ABCA12: variants seen among roughly 807,000 people sequenced by gnomAD.
ABCA12 encodes ATP binding cassette subfamily A member 12.
ABCA12 carries 156 observed loss-of-function variants against 293.5 expected under a neutral mutation model. That is an observed-to-expected ratio of 0.53 (90% confidence interval 0.47 to 0.61). The LOEUF (loss-of-function observed/expected upper bound fraction) is 0.61. Among genes scored for constraint, ABCA12 ranks in the 20% least tolerant of loss-of-function variants. ABCA12 has a pLI of 0.00. For missense variants in ABCA12, 2,797 were observed against 3,090.2 expected (o/e 0.91, Z 2.25); for synonymous variants, 1,063 against 1,108.0 (o/e 0.96, Z 0.81).
intron 41 of ABCA12, among the ~76,000 whole-genome samples, chr2:214,957,157 A>G (rs1698976697): frequency 6.6e-6 from 1 of 152,112 alleles, no homozygotes; most frequent in South Asian, 2.1e-4. Flanking sequence ...GAATGCTGGA[A>G]CTTTCTCAGA....
intron 4 of ABCA12, among the ~76,000 whole-genome samples, chr2:215,053,596 C>A (rs1324652267): frequency 6.6e-6 from 1 of 152,066 alleles, no homozygotes; most frequent in Non-Finnish European, 1.5e-5. Flanking sequence ...CTCCTCAAAA[C>A]CATTCACCAC....
intron 19 of ABCA12, among the ~76,000 whole-genome samples, chr2:215,007,075 G>A (rs931675794): frequency 6.6e-6 from 1 of 151,646 alleles, no homozygotes; most frequent in Admixed American, 6.6e-5. Context: ...GGGTTTCTCC[G>A]CGTTGGTCAG....
chr2:215,134,693 G>C (rs527306192), intron 1 of ABCA12, among the ~76,000 whole-genome samples: 142 of 137,172 alleles, frequency 1.0e-3, no homozygotes, highest in African/African-American at 4.1e-3. Flanking sequence ...TTTTGTCCAG[G>C]CTGGAGTACA....
intron 1 of ABCA12, among the ~76,000 whole-genome samples, chr2:215,119,121 C>T (rs1449446108): frequency 1.3e-5 from 2 of 152,164 alleles, no homozygotes; most frequent in African/African-American, 4.8e-5. Flanking sequence ...CAGGCATGTG[C>T]CACCACGCCT....
chr2:214,974,706 C>A, intron 35 of ABCA12, 72 bp downstream of exon 35: 1 of 1,375,274 alleles, frequency 7.3e-7, no homozygotes, highest in Non-Finnish European at 1.0e-6. Context: ...CAGACACACA[C>A]ACCCACATAC....
At chr2:215,129,808 C>T (rs996053042) in intron 1 of ABCA12, among the ~76,000 whole-genome samples, 2 of 152,084 alleles carry the variant, frequency 1.3e-5, no homozygotes, top group African/African-American at 4.8e-5. Context: ...TTTGCCTAGG[C>T]TAATGTCCAG....
intron 24 of ABCA12, among the ~76,000 whole-genome samples, chr2:214,989,888 A>T (rs1456960936): frequency 5.9e-5 from 9 of 152,206 alleles, no homozygotes; most frequent in Admixed American, 5.9e-4. Flanking sequence ...AACTCATTAA[A>T]TGTTGCTCAG....
chr2:214,953,760 A>G, intron 44 of ABCA12, 94 bp downstream of exon 44: 3 of 1,452,966 alleles, frequency 2.1e-6, no homozygotes, highest in African/African-American at 1.4e-5. Flanking sequence ...TTTCCATATT[A>G]CCAATGGAAA....
intron 19 of ABCA12, 39 bp from the exon 20 acceptor site, chr2:215,004,338 A>G (rs1188275719): frequency 3.3e-6 from 5 of 1,495,414 alleles, no homozygotes; most frequent in Non-Finnish European, 2.8e-6. Flanking sequence ...CAATACAAGA[A>G]AAATCATGTT....
At chr2:215,020,847 A>G (rs557784592) in intron 11 of ABCA12, 2 of 151,798 alleles carry the variant, frequency 1.3e-5, no homozygotes, top group East Asian at 3.9e-4. Context: ...GACTACAGGC[A>G]TATACCTGCA....
chr2:214,938,106 G>C (rs1455923991), intron 50 of ABCA12, among the ~76,000 whole-genome samples: 1 of 133,680 alleles, frequency 7.5e-6, no homozygotes, highest in African/African-American at 2.8e-5. Flanking sequence ...CCCTCCCCTA[G>C]CCCCCCACCC....
chr2:214,979,373 G>A (rs150372634), intron 31 of ABCA12, among the ~76,000 whole-genome samples: 223 of 152,128 alleles, frequency 1.5e-3, no homozygotes, highest in Non-Finnish European at 2.4e-3. Flanking sequence ...TCCAGATAGC[G>A]ATGTGTCCCA....
chr2:214,947,481 T>C lies in ABCA12; in HGVS notation c.7180A>G (p.Thr2394Ala), dbSNP rs763031250. 10 of 1,613,914 alleles carry C rather than the reference T, an allele frequency of 6.2e-6. No individual in the cohort carries two copies. Among genetic ancestry groups the C allele is most frequent in the African/African-American group, 1.3e-5 (1 of 74,926 alleles). ...AGTGCAGTGGATAATTTTCTTTTTG[T>C]GCCATAACTGCACATAGAGGTAGCT... Reference protein sequence around the residue: ...DRATSMCSYGTKRKLSTALAL... With the variant: ...DRATSMCSYGAKRKLSTALAL... Residue 2394 changes from threonine to alanine, a missense_variant, in exon 48 of 53, where the codon ACA becomes GCA. Thr to Ala is a moderately conservative substitution (Grantham distance 58, BLOSUM62 0). Around this residue, in one of 3 missense-constraint regions of ABCA12, gnomAD observed 2,130 missense variants for 2,427.0 expected, o/e 0.88. Transcript: ENST00000272895.
Position 214,953,927 on chromosome 2 carries a change from C to T in ABCA12, c.6574G>A (p.Ala2192Thr). The T allele has an allele frequency of 2.5e-6, 4 of 1,613,982 alleles. No individual in the cohort carries two copies. The highest frequency in any genetic ancestry group is 3.4e-6 in the Non-Finnish European group (4 of 1,179,966). Residue 2192 changes from alanine to threonine, a missense_variant, in exon 44 of 53, where the codon GCT (alanine) becomes ACT (threonine). Physicochemically the swap from Ala to Thr is moderately conservative, Grantham distance 58. This residue lies in a region of ABCA12 where 2,130 missense variants were observed against 2,427.0 expected (regional missense o/e 0.88). Transcript: ENST00000272895. ...AACATGGTGCCCTGAGAAACCAAAG[C>T]CACAAACATTGCACCTAGTTTATTC... The part of the protein sequence containing the change: ...EMNKLGAMFV[A>T]LVSQGTMFFS...
intron 8 of ABCA12, among the ~76,000 whole-genome samples, chr2:215,035,399 G>A (rs1196093236): frequency 6.6e-6 from 1 of 152,082 alleles, no homozygotes; most frequent in Admixed American, 6.6e-5. Context: ...GCCAGACGTG[G>A]TGGCTCATGC....
intron 4 of ABCA12, 92 bp downstream of exon 4, chr2:215,054,481 G>C: frequency 8.9e-7 from 1 of 1,121,188 alleles, no homozygotes; most frequent in Non-Finnish European, 1.4e-6. Flanking sequence ...TTCCTTCTTT[G>C]TTTGAAAAGT....
chr2:214,987,133 T>C (rs1255961989), intron 27 of ABCA12, among the ~76,000 whole-genome samples: 2 of 152,198 alleles, frequency 1.3e-5, no homozygotes, highest in African/African-American at 4.8e-5. Context: ...TTGTGGTTTA[T>C]AGAATCCAGT....
intron 7 of ABCA12, among the ~76,000 whole-genome samples, chr2:215,043,651 T>C (rs751221707): frequency 9.2e-5 from 14 of 152,148 alleles, no homozygotes; most frequent in East Asian, 1.9e-4. Flanking sequence ...GATGCACCTA[T>C]ATTAGGTGTA....
At chr2:214,994,050 T>G (rs990007026) in intron 23 of ABCA12, among the ~76,000 whole-genome samples, 1 of 152,078 alleles carries the variant, frequency 6.6e-6, no homozygotes, top group African/African-American at 2.4e-5. Flanking sequence ...CATTCTAGCA[T>G]GAAACTTCAG....
Sources: gnomAD v4.1 joint callset for allele counts (sites outside exome capture counted in the v4.1 genomes callset) on GRCh38, gnomAD v4.1.1 for gene constraint, gnomAD v4.1.1 regional missense constraint, MANE v1.5 for transcripts, NCBI Gene and HGNC (gene_info 2026-07-23, HGNC 2026-07-21) for gene names.